Variants in CCSER1 observed in about 807,000 individuals in gnomAD.
The protein encoded by CCSER1 is coiled-coil serine rich protein 1, also known as serine-rich coiled-coil domain-containing protein 1.
Under a neutral mutation model 82.0 loss-of-function variants are expected in CCSER1, and 41 were observed. The observed-to-expected ratio is 0.50, with a 90% CI of 0.39 to 0.65. The LOEUF is 0.65. Among genes scored for constraint, CCSER1 ranks in the 30% least tolerant of loss-of-function variants. The probability of loss-of-function intolerance (pLI) is 0.00; values close to 1 mark genes in which losing one functional copy is unlikely to be tolerated. For synonymous variants in CCSER1, 414 were observed against 383.9 expected (o/e 1.08, Z -0.92); for missense variants, 1,119 against 1,064.2 (o/e 1.05, Z -0.72).
At position 90,628,814 on chromosome 4, in the gene CCSER1, A is replaced by G. The variant is rs184969241; in HGVS notation, c.1932+582A>G. ...GATTCTTTTACCCTTGTGCCCAGAAATCAGCCATTCTTTAGGACTCAAGTT... is the reference window on the plus strand; with the variant it reads ...GATTCTTTTACCCTTGTGCCCAGAAGTCAGCCATTCTTTAGGACTCAAGTT... On this transcript the variant is annotated intron_variant, in intron 6 of 10. Transcript: ENST00000509176. Among the ~76,000 whole-genome samples, 25 of 152,312 alleles carry G rather than the reference A, an allele frequency of 1.6e-4. No homozygotes were observed. In the East Asian group the frequency reaches 4.6e-3, roughly 28 times the overall value.
At chr4:90,390,174 G>C (rs1164931827) in intron 3 of CCSER1, among the ~76,000 whole-genome samples, 1 of 152,196 alleles carries the variant, frequency 6.6e-6, no homozygotes, top group Non-Finnish European at 1.5e-5. Flanking sequence ...AGATAATGTA[G>C]GCATTTGAGT....
intron 10 of CCSER1, among the ~76,000 whole-genome samples, chr4:91,371,949 C>T (rs1341606026): frequency 6.6e-6 from 1 of 152,120 alleles, no homozygotes; most frequent in Non-Finnish European, 1.5e-5. Flanking sequence ...TACACATATT[C>T]AGAATTCTAG....
In CCSER1 at chr4:90,888,430, A is replaced by T. The variant is rs557732561; in HGVS notation, c.2095-34940A>T. Reference sequence around the variant, plus strand: ...GAGTAGTGAACAAGAAGGCAATAAAACAAATTCAGAGAAACAATCCTTTCT... The same window carrying T: ...GAGTAGTGAACAAGAAGGCAATAAATCAAATTCAGAGAAACAATCCTTTCT... On this transcript the variant is annotated intron_variant, in intron 8 of 10. Coordinates refer to ENST00000509176, the MANE Select transcript of CCSER1 (RefSeq NM_001145065.2). Among the ~76,000 whole-genome samples the T allele has an allele frequency of 7.9e-4, 120 of 152,296 alleles. 2 individuals carry two copies. In the Middle Eastern group the frequency reaches 0.031, roughly 39 times the overall value.
intron 5 of CCSER1, among the ~76,000 whole-genome samples, chr4:90,585,190 C>G (rs1008710904): frequency 1.3e-5 from 2 of 152,078 alleles, no homozygotes; most frequent in Non-Finnish European, 2.9e-5. Context: ...TACTATGAAG[C>G]CATTAAAATA....
rs1038359786 is a variant in CCSER1, at chr4:90,170,266, A to G, written c.-42+42435A>G. On this transcript the variant is annotated intron_variant, in intron 1 of 10. Transcript: ENST00000509176. ...TCTTAGAAATTAGATTTCTATAGAA[A>G]TGGTACTTGGGCATCCAAACAGATT... 4.6e-5 allele frequency among the ~76,000 whole-genome samples: 7 copies of G among 152,020 alleles called. 1 individual carries two copies. Among genetic ancestry groups the G allele is most frequent in the South Asian group, 4.1e-4 (2 of 4,838 alleles).
intron 8 of CCSER1, among the ~76,000 whole-genome samples, chr4:90,915,036 C>CA (rs58049730): frequency 2.0e-4 from 30 of 152,084 alleles, no homozygotes; most frequent in Admixed American, 4.6e-4. Context: ...GCATACTAAC[C>CA]AAAAAAAGTC....
intron 1 of CCSER1, among the ~76,000 whole-genome samples, chr4:90,249,907 T>G (rs1437047782): frequency 6.6e-6 from 1 of 152,148 alleles, no homozygotes; most frequent in East Asian, 1.9e-4. Context: ...GAACACTTAT[T>G]AATATCAATC....
chr4:90,885,951 G>T (rs1722061949), intron 8 of CCSER1, among the ~76,000 whole-genome samples: 1 of 151,666 alleles, frequency 6.6e-6, no homozygotes, highest in African/African-American at 2.4e-5. Context: ...CTGCATCTTG[G>T]TGTCAGTTCA....
intron 10 of CCSER1, among the ~76,000 whole-genome samples, chr4:91,266,792 G>T (rs907883215): frequency 2.6e-5 from 4 of 152,130 alleles, no homozygotes; most frequent in Non-Finnish European, 5.9e-5. Context: ...CGGATAAGTG[G>T]ACACTGATTG....
intron 8 of CCSER1, among the ~76,000 whole-genome samples, chr4:90,916,610 A>T (rs749430452): frequency 6.6e-6 from 1 of 152,226 alleles, no homozygotes; most frequent in African/African-American, 2.4e-5. Flanking sequence ...ATGGGCAAGG[A>T]CTTCATGTCT....
intron 8 of CCSER1, among the ~76,000 whole-genome samples, chr4:90,861,912 A>ATC (rs1765133181): frequency 3.3e-5 from 4 of 122,280 alleles, no homozygotes; most frequent in Admixed American, 2.5e-4. Context: ...ACTCATATAT[A>ATC]TATATATATA....
At chr4:90,777,008 C>T (rs1051387296) in intron 7 of CCSER1, among the ~76,000 whole-genome samples, 4 of 152,160 alleles carry the variant, frequency 2.6e-5, no homozygotes, top group East Asian at 1.9e-4. Flanking sequence ...TGTTGAAATT[C>T]GTATGAATGA....
At chr4:90,301,463 A>G (rs568719272) in intron 1 of CCSER1, among the ~76,000 whole-genome samples, 1 of 152,300 alleles carries the variant, frequency 6.6e-6, no homozygotes, top group Middle Eastern at 3.4e-3. Flanking sequence ...TAAATTTCTA[A>G]GAGATCAAAC....
chr4:90,188,984 T>C (rs1209373530), intron 1 of CCSER1, among the ~76,000 whole-genome samples: 1 of 151,870 alleles, frequency 6.6e-6, no homozygotes, highest in African/African-American at 2.4e-5. Context: ...GGGGTGTAGA[T>C]ATGAAAAAAT....
intron 3 of CCSER1, among the ~76,000 whole-genome samples, chr4:90,327,517 A>G (rs2153492774): frequency 6.6e-6 from 1 of 152,296 alleles, no homozygotes; most frequent in Admixed American, 6.5e-5. Context: ...ACTTGCTCCT[A>G]AAGTTCTCCA....
At chr4:91,245,469 C>T (rs543460086) in intron 10 of CCSER1, among the ~76,000 whole-genome samples, 1 of 152,164 alleles carries the variant, frequency 6.6e-6, no homozygotes, top group East Asian at 1.9e-4. Context: ...GGAAACCTTA[C>T]AGGCCAGGAG....
chr4:90,348,694 G>T (rs1454121160), intron 3 of CCSER1, among the ~76,000 whole-genome samples: 1 of 152,020 alleles, frequency 6.6e-6, no homozygotes, highest in East Asian at 1.9e-4. Context: ...TCCAAAGATA[G>T]AATTATATTT....
chr4:90,514,817 G>A (rs1772036503), intron 5 of CCSER1, among the ~76,000 whole-genome samples: 1 of 151,280 alleles, frequency 6.6e-6, no homozygotes. Flanking sequence ...ACATATAGGT[G>A]TATGAATATA....
intron 1 of CCSER1, among the ~76,000 whole-genome samples, chr4:90,271,091 A>G (rs1242114598): frequency 2.0e-5 from 3 of 152,104 alleles, no homozygotes; most frequent in East Asian, 1.9e-4. Flanking sequence ...ATTTAATACA[A>G]TTCCTCTCGA....
Sources: gnomAD v4.1 joint callset for allele counts (sites outside exome capture counted in the v4.1 genomes callset) on GRCh38, gnomAD v4.1.1 for gene constraint, MANE v1.5 for transcripts, NCBI Gene and HGNC (gene_info 2026-07-23, HGNC 2026-07-21) for gene names.